Variants in PAK1IP1 observed in about 807,000 individuals in gnomAD.
PAK1IP1 encodes PAK1 interacting protein 1.
A neutral mutation model predicts 42.0 loss-of-function variants in PAK1IP1; 24 were observed. That is an observed-to-expected ratio of 0.57 (90% CI 0.41 to 0.80). The LOEUF is 0.80. PAK1IP1 is among the 30% of genes least tolerant of loss of function. The probability of loss-of-function intolerance (pLI) is 0.00; values close to 1 mark genes in which losing one functional copy is unlikely to be tolerated. For synonymous variants in PAK1IP1, 154 were observed against 156.7 expected (o/e 0.98, Z 0.13); for missense variants, 411 against 467.9 (o/e 0.88, Z 1.12).
chr6:10,699,219 AAAAG>A (rs1769953291), intron 2 of PAK1IP1, among the ~76,000 whole-genome samples: 1 of 151,656 alleles, frequency 6.6e-6, no homozygotes, highest in South Asian at 2.1e-4. Context: ...AAAAAAAAAA[AAAAG>A]AGGAAAAGAA....
intron 4 of PAK1IP1, among the ~76,000 whole-genome samples, chr6:10,703,125 A>C (rs934104172): frequency 1.3e-5 from 2 of 152,204 alleles, no homozygotes; most frequent in African/African-American, 4.8e-5. Context: ...GTTTTCAAAC[A>C]TGCAATTATG....
intron 1 of PAK1IP1, 80 bp downstream of exon 1, chr6:10,695,149 A>C (rs1453038014): frequency 1.2e-6 from 1 of 829,412 alleles, no homozygotes; most frequent in South Asian, 1.4e-5. Flanking sequence ...AGAGGTGAAC[A>C]TTGGAGCGCC....
chr6:10,693,728 A>G (rs146853851), upstream of PAK1IP1, among the ~76,000 whole-genome samples: 46 of 152,038 alleles, frequency 3.0e-4, no homozygotes, highest in African/African-American at 1.1e-3. Context: ...ACCTTATTAA[A>G]TAAAACTTTT....
upstream of PAK1IP1, chr6:10,694,943 C>CCAGG (rs776433994): frequency 1.6e-6 from 2 of 1,265,526 alleles, no homozygotes; most frequent in Non-Finnish European, 2.2e-6. Flanking sequence ...TCTGTCACCT[C>CCAGG]CAGGCTGAGC....
chr6:10,704,073 A>C (rs1007376252), intron 5 of PAK1IP1, among the ~76,000 whole-genome samples: 2 of 151,716 alleles, frequency 1.3e-5, no homozygotes, highest in Non-Finnish European at 2.9e-5. Flanking sequence ...CCCAGGCTGG[A>C]GTGCAGTGGC....
In PAK1IP1 at chr6:10,702,506, C is replaced by G. The variant is rs1770059514; in HGVS notation, c.368+17C>G. On this transcript the variant is annotated intron_variant, in intron 3 of 9. Transcript: ENST00000379568. ...AGCTCACAAGTGAGTCGGGCTCTTT[C>G]CCTTTGGCATTCTCGATGTGCCAGT... The G allele has an allele frequency of 1.2e-6, 2 of 1,613,966 alleles. No individual in the cohort carries two copies. Among genetic ancestry groups the G allele is most frequent in the Non-Finnish European group, 1.7e-6 (2 of 1,180,016 alleles).
chr6:10,698,985 G>A (rs1013492498), intron 2 of PAK1IP1, among the ~76,000 whole-genome samples: 3 of 152,212 alleles, frequency 2.0e-5, no homozygotes, highest in East Asian at 3.9e-4. Flanking sequence ...CCGAGCGTGA[G>A]GTCAGGAGAT....
chr6:10,694,904 T>G (rs948622352), upstream of PAK1IP1: 129 of 135,844 alleles, frequency 9.5e-4, no homozygotes, highest in Admixed American at 2.6e-3. Context: ...GAGTCAGGTG[T>G]TTTTTTTTTT....
At chr6:10,704,952 C>G in intron 7 of PAK1IP1, 108 bp downstream of exon 7, 1 of 733,120 alleles carries the variant, frequency 1.4e-6, no homozygotes, top group Non-Finnish European at 2.5e-6. Context: ...CAGAAATAAT[C>G]AGACATATCT....
intron 1 of PAK1IP1, among the ~76,000 whole-genome samples, chr6:10,696,324 G>A (rs1769843835): frequency 6.6e-6 from 1 of 152,204 alleles, no homozygotes; most frequent in Admixed American, 6.5e-5. Flanking sequence ...GGCCCCCTTG[G>A]TCTTAAATGA....
At chr6:10,701,274 G>T (rs576837932) in intron 2 of PAK1IP1, among the ~76,000 whole-genome samples, 1 of 151,842 alleles carries the variant, frequency 6.6e-6, no homozygotes, top group Non-Finnish European at 1.5e-5. Context: ...ACGGGGTTTC[G>T]CCATGTTGGC....
chr6:10,693,075 C>CT (rs1254129229), upstream of PAK1IP1, among the ~76,000 whole-genome samples: 1 of 151,278 alleles, frequency 6.6e-6, no homozygotes, highest in African/African-American at 2.5e-5. Flanking sequence ...GCTAATAACT[C>CT]TGTTAAGCCC....
In PAK1IP1 at chr6:10,707,515, G is replaced by T; in HGVS notation, c.840+1G>T. ...AATGTGGAAGCTTAAGCAGGATAAGGTCAGTGCTTCAACACAATCTAAATG... is the reference window on the plus strand; with the variant it reads ...AATGTGGAAGCTTAAGCAGGATAAGTTCAGTGCTTCAACACAATCTAAATG... On this transcript the variant is annotated splice_donor_variant, in intron 8 of 9. Coordinates refer to ENST00000379568, the MANE Select transcript of PAK1IP1 (RefSeq NM_017906.3). LOFTEE classifies it high-confidence loss of function. 1 of 1,556,252 alleles carries T rather than the reference G, an allele frequency of 6.4e-7. No homozygotes were observed. The highest frequency in any genetic ancestry group is 8.9e-7 in the Non-Finnish European group (1 of 1,127,218).
chr6:10,709,594 G>GT lies in PAK1IP1; in HGVS notation c.*142_*143insT. ...ATATATTAAAAAACCACTTTTAGAT[G>GT]GTTTTTTTTAAAAAAAAAAAAAAAA... is the stretch of plus-strand genomic sequence containing the variant. On this transcript the variant is annotated 3_prime_UTR_variant, in exon 10 of 10. Coordinates refer to ENST00000379568, the MANE Select transcript of PAK1IP1 (RefSeq NM_017906.3). 2 of 332,704 alleles carry GT rather than the reference G, an allele frequency of 6.0e-6. No individual in the cohort carries two copies. Among genetic ancestry groups the GT allele is most frequent in the African/African-American group, 4.2e-5 (1 of 23,728 alleles). 20.6% of individuals were successfully genotyped at this position (332,704 alleles called of 1,614,324 possible).
At chr6:10,709,122 C>T (rs1241474069) in intron 9 of PAK1IP1, 46 bp downstream of exon 9, 1 of 1,571,992 alleles carries the variant, frequency 6.4e-7, no homozygotes, top group East Asian at 2.2e-5. Flanking sequence ...TCTATTATCT[C>T]TTAAATTGTA....
At position 10,702,496 on chromosome 6, in the gene PAK1IP1, C is replaced by T. The variant is rs754964275; in HGVS notation, c.368+7C>T. On this transcript the variant is annotated splice_region_variant and intron_variant, in intron 3 of 9. Transcript: ENST00000379568. The stretch of plus-strand genomic sequence containing the variant: ...AGTCAATTAAAGCTCACAAGTGAGT[C>T]GGGCTCTTTCCCTTTGGCATTCTCG... 1.5e-5 allele frequency: 25 copies of T among 1,613,860 alleles called. No individual in the cohort carries two copies. Among genetic ancestry groups the T allele is most frequent in the Non-Finnish European group, 1.9e-5 (23 of 1,180,004 alleles).
chr6:10,692,101 C>A (rs1310390470), upstream of PAK1IP1, among the ~76,000 whole-genome samples: 2 of 152,202 alleles, frequency 1.3e-5, no homozygotes, highest in Admixed American at 1.3e-4. Flanking sequence ...GGAGACAGGG[C>A]ACCAGGGACA....
intron 2 of PAK1IP1, among the ~76,000 whole-genome samples, chr6:10,698,043 T>C (rs766402315): frequency 6.6e-6 from 1 of 152,198 alleles, no homozygotes; most frequent in Non-Finnish European, 1.5e-5. Flanking sequence ...ATGTCAGTTA[T>C]TGGGCAGGTA....
At chr6:10,704,346 A>G (rs1770134718) in intron 5 of PAK1IP1, among the ~76,000 whole-genome samples, 161 bp from the exon 6 acceptor site, 1 of 152,182 alleles carries the variant, frequency 6.6e-6, no homozygotes, top group Non-Finnish European at 1.5e-5. Flanking sequence ...TTTTGAACCT[A>G]GATTATTTTC....
Sources: gnomAD v4.1 joint callset for allele counts (sites outside exome capture counted in the v4.1 genomes callset) on GRCh38, gnomAD v4.1.1 for gene constraint, MANE v1.5 for transcripts, NCBI Gene and HGNC (gene_info 2026-07-23, HGNC 2026-07-21) for gene names.